Variants in ZBTB1 observed in about 807,000 individuals in gnomAD.
ZBTB1 encodes zinc finger and BTB domain-containing protein 1.
ZBTB1 carries 13 observed loss-of-function variants against 51.6 expected under a neutral mutation model. The ratio of observed to expected loss-of-function variants is 0.25; its 90% CI spans 0.16 to 0.40. ZBTB1 has a LOEUF of 0.40. ZBTB1 is among the 10% of genes least tolerant of loss of function. The pLI is 1.00. For synonymous variants in ZBTB1, 240 were observed against 282.2 expected (o/e 0.85, Z 1.50); for missense variants, 567 against 856.5 (o/e 0.66, Z 4.22).
chr14:64,512,544 C>T lies in ZBTB1; in HGVS notation c.-19+7598C>T, dbSNP rs138719114. 3.9e-4 allele frequency among the ~76,000 whole-genome samples: 60 copies of T among 152,238 alleles called. No homozygotes were observed. The East Asian group carries it at 7.5e-3, about 19-fold the overall frequency. ...TTTAGGGTGTGGGTATAAAACTAAG[C>T]CACCATTTATATTATTGTTTCTATG... On this transcript the variant is annotated intron_variant, in intron 1 of 1. Coordinates refer to ENST00000683701, the MANE Select transcript of ZBTB1 (RefSeq NM_001123329.2).
chr14:64,518,784 T>C (rs930139408), intron 1 of ZBTB1, among the ~76,000 whole-genome samples: 1 of 151,614 alleles, frequency 6.6e-6, no homozygotes, highest in African/African-American at 2.4e-5. Flanking sequence ...ATAGGATTTC[T>C]AGTGCTTTTA....
rs969070896 is a variant in ZBTB1, at chr14:64,524,177, G to A, written c.*531G>A. 61 of 985,050 alleles carry A rather than the reference G, an allele frequency of 6.2e-5. No homozygotes were observed. Among genetic ancestry groups the A allele is most frequent in the Non-Finnish European group, 6.9e-5 (57 of 829,848 alleles). 61.0% of individuals were successfully genotyped at this position (985,050 alleles called of 1,614,324 possible). A position where few individuals can be genotyped will look rare whatever the true frequency, so the allele number is the denominator to read the frequency against. ...GACAAGCTTATTAGGCAAGTTAGGT[G>A]CACTGAATCTAACCTTTAAGGTTGA... is the stretch of plus-strand genomic sequence containing the variant. On this transcript the variant is annotated 3_prime_UTR_variant, in exon 2 of 2. Transcript: ENST00000683701.
rs2079888587 is a variant in ZBTB1, at chr14:64,524,538, T to G, written c.*892T>G. The G allele has an allele frequency of 2.0e-6, 2 of 981,956 alleles. No individual in the cohort carries two copies. Among genetic ancestry groups the G allele is most frequent in the Non-Finnish European group, 2.4e-6 (2 of 826,740 alleles). The allele number at this position is 981,956 out of a possible 1,614,324, so 60.8% of individuals were successfully genotyped here. ...TTAATAGCTCTCTAAGAATATGACC[T>G]CTAAAGGAAAAGATGATTTTTTACA... is the stretch of plus-strand genomic sequence containing the variant. On this transcript the variant is annotated 3_prime_UTR_variant, in exon 2 of 2. Transcript: ENST00000683701.
Position 64,524,448 on chromosome 14 carries a change from A to G in ZBTB1, c.*802A>G. 2 of 799,634 alleles carry G rather than the reference A, an allele frequency of 2.5e-6. No individual in the cohort carries two copies. The highest frequency in any genetic ancestry group is 3.0e-6 in the Non-Finnish European group (2 of 660,704). 49.5% of individuals were successfully genotyped at this position (799,634 alleles called of 1,614,324 possible). A position where few individuals can be genotyped will look rare whatever the true frequency, so the allele number is the denominator to read the frequency against. Reference sequence around the variant, plus strand: ...ATCTTGTATTCATTAAAAATATTTTAATTTAAAATATTCTGATTTCTAAAG... The same window carrying G: ...ATCTTGTATTCATTAAAAATATTTTGATTTAAAATATTCTGATTTCTAAAG... On this transcript the variant is annotated 3_prime_UTR_variant, in exon 2 of 2. Coordinates refer to ENST00000683701, the MANE Select transcript of ZBTB1 (RefSeq NM_001123329.2).
chr14:64,513,953 C>A (rs2079753545), intron 1 of ZBTB1, among the ~76,000 whole-genome samples: 2 of 152,222 alleles, frequency 1.3e-5, no homozygotes, highest in South Asian at 4.1e-4. Context: ...AGCCACCGCA[C>A]CGGCCTCAAT....
intron 1 of ZBTB1, 23 bp downstream of exon 1, chr14:64,504,969 G>C: frequency 2.5e-6 from 1 of 394,432 alleles, no homozygotes; most frequent in East Asian, 3.6e-5. Context: ...CAGTTGTGGG[G>C]CTATTTGCGC....
At position 64,531,773 on chromosome 14, in the gene ZBTB1, A is replaced by T; in HGVS notation, c.1899-88A>T. 10 of 1,553,678 alleles carry T rather than the reference A, an allele frequency of 6.4e-6. No individual in the cohort carries two copies. The South Asian group carries it at 1.1e-4, about 18-fold the overall frequency. Reference sequence around the variant, plus strand: ...GTTGGCCTAGTGCCAAAGCCAAGAAATTCTGATCTAAGAATTATGTTGTAT... The same window carrying T: ...GTTGGCCTAGTGCCAAAGCCAAGAATTTCTGATCTAAGAATTATGTTGTAT... On this transcript the variant is annotated intron_variant, in intron 2 of 2. Transcript: ENST00000358738.
intron 1 of ZBTB1, among the ~76,000 whole-genome samples, chr14:64,508,582 A>AAG: frequency 6.6e-6 from 1 of 152,308 alleles, no homozygotes; most frequent in Admixed American, 6.5e-5. Flanking sequence ...GCTTTGAATC[A>AAG]AGAGTCTCAG....
At chr14:64,531,042 T>C (rs2079938462) in intron 2 of ZBTB1, among the ~76,000 whole-genome samples, 1 of 152,182 alleles carries the variant, frequency 6.6e-6, no homozygotes, top group African/African-American at 2.4e-5. Context: ...CAGTTTGTTT[T>C]CTCCTATTTG....
Position 64,522,346 on chromosome 14 carries a change from C to T in ZBTB1, c.842C>T (p.Thr281Met), listed in dbSNP as rs199745315. 418 of 1,614,094 alleles carry T rather than the reference C, an allele frequency of 2.6e-4. 1 individual carries two copies. Among genetic ancestry groups the T allele is most frequent in the Admixed American group, 1.2e-3 (71 of 60,006 alleles). Reference sequence around the variant, plus strand: ...TCTTCCAAAACATTTTCTGCACAGACGGACAAATACAGAGGAGACACAAGC... The same window carrying T: ...TCTTCCAAAACATTTTCTGCACAGATGGACAAATACAGAGGAGACACAAGC... ...KDSSKTFSAQTDKYRGDTSQA... is the reference protein window; with the variant it reads ...KDSSKTFSAQMDKYRGDTSQA... Residue 281 changes from threonine (T) to methionine (M), a missense_variant, in exon 2 of 2, where the codon ACG becomes ATG. By Grantham distance (81) the Thr-to-Met change is moderately conservative (BLOSUM62 -1). This residue lies in a region of ZBTB1 where 329 missense variants were observed against 406.3 expected (regional missense o/e 0.81). Transcript: ENST00000683701.
downstream of ZBTB1, among the ~76,000 whole-genome samples, chr14:64,525,958 T>TA (rs2079900628): frequency 6.6e-6 from 1 of 152,164 alleles, no homozygotes; most frequent in Admixed American, 6.5e-5. Flanking sequence ...TAGCTGGGAT[T>TA]ACAGGCGCAT....
chr14:64,507,599 TC>T (rs2079679391), intron 1 of ZBTB1, among the ~76,000 whole-genome samples: 1 of 152,180 alleles, frequency 6.6e-6, no homozygotes, highest in Non-Finnish European at 1.5e-5. Context: ...TGTTCTCTGT[TC>T]ACATTACTCA....
chr14:64,504,253 G>A (rs1163863303), upstream of ZBTB1, among the ~76,000 whole-genome samples: 1 of 151,764 alleles, frequency 6.6e-6, no homozygotes, highest in African/African-American at 2.4e-5. Flanking sequence ...GCCCACGGAA[G>A]GTGGGGTCGG....
At chr14:64,506,076 G>A (rs888263234) in intron 1 of ZBTB1, among the ~76,000 whole-genome samples, 6 of 152,208 alleles carry the variant, frequency 3.9e-5, no homozygotes, top group Non-Finnish European at 8.8e-5. Context: ...GTGGAGAAAC[G>A]GGGAAAATTG....
At chr14:64,505,207 C>A (rs2079628193) in intron 1 of ZBTB1, 2 of 304,822 alleles carry the variant, frequency 6.6e-6, no homozygotes, top group Admixed American at 5.1e-5. Context: ...AATTAGTTAC[C>A]TTCTTTTCTT....
At chr14:64,514,486 A>C (rs2079759602) in intron 1 of ZBTB1, 1 of 152,202 alleles carries the variant, frequency 6.6e-6, no homozygotes, top group African/African-American at 2.4e-5. Flanking sequence ...AGACCCTTAA[A>C]TTATCATTTA....
intron 1 of ZBTB1, among the ~76,000 whole-genome samples, chr14:64,518,962 C>A (rs200186607): frequency 9.1e-6 from 1 of 109,406 alleles, no homozygotes. Flanking sequence ...GGTTAAAAAA[C>A]ACAACAAAAG....
chr14:64,507,737 C>CTA (rs1390694935), intron 1 of ZBTB1, among the ~76,000 whole-genome samples: 1 of 152,170 alleles, frequency 6.6e-6, no homozygotes, highest in Non-Finnish European at 1.5e-5. Context: ...TCATGGTGGG[C>CTA]TATTTTTCAT....
intron 1 of ZBTB1, among the ~76,000 whole-genome samples, chr14:64,513,343 A>G (rs1170514801): frequency 6.6e-6 from 1 of 152,146 alleles, no homozygotes; most frequent in Non-Finnish European, 1.5e-5. Context: ...GAGACATAAC[A>G]AATGTTAGCT....
Sources: allele counts gnomAD v4.1 joint callset (sites outside exome capture counted in the v4.1 genomes callset), GRCh38; gene constraint gnomAD v4.1.1; regional missense constraint gnomAD v4.1.1; transcripts MANE v1.5; gene names NCBI Gene and HGNC (gene_info 2026-07-23, HGNC 2026-07-21).